Variants in MITF observed in about 807,000 individuals in gnomAD.
MITF encodes the protein melanocyte inducing transcription factor.
A neutral mutation model predicts 60.5 loss-of-function variants in MITF; 17 were observed. The observed-to-expected ratio is 0.28, with a 90% CI of 0.19 to 0.42. The LOEUF (loss-of-function observed/expected upper bound fraction) is 0.42. Ranked by LOEUF, MITF falls within the 10% of genes least tolerant of loss-of-function variation. The pLI, the probability that MITF is intolerant of heterozygous loss-of-function variation, is 1.00. For missense variants in MITF, 622 were observed against 683.5 expected (o/e 0.91, Z 1.00); for synonymous variants, 260 against 248.5 (o/e 1.05, Z -0.43).
intron 1 of MITF, among the ~76,000 whole-genome samples, chr3:69,849,567 C>T (rs2063791147): frequency 6.6e-6 from 1 of 152,202 alleles, no homozygotes; most frequent in South Asian, 2.1e-4. Flanking sequence ...TTGCAGATGA[C>T]GATACTGAAG....
chr3:69,875,554 A>G (rs1305961148), intron 1 of MITF, among the ~76,000 whole-genome samples: 1 of 152,254 alleles, frequency 6.6e-6, no homozygotes, highest in Non-Finnish European at 1.5e-5. Context: ...ATTCAGCTTC[A>G]TGGCCTGGGA....
intron 2 of MITF, among the ~76,000 whole-genome samples, chr3:69,934,556 T>C (rs527953019): frequency 6.6e-6 from 1 of 152,326 alleles, no homozygotes; most frequent in South Asian, 2.1e-4. Flanking sequence ...CAAGCTCTAC[T>C]GTCATTCCCA....
Position 69,907,049 on chromosome 3 carries a change from A to G in MITF, c.354+27666A>G, listed in dbSNP as rs908492618. On this transcript the variant is annotated intron_variant, in intron 2 of 9. Coordinates refer to ENST00000352241, the MANE Select transcript of MITF (RefSeq NM_001354604.2). ...CATAAATCCTTGTTTTGCCTGAAGA[A>G]AGGTTTAACAAGTTACCCAAAGCTA... Among the ~76,000 whole-genome samples, 13 of 152,126 alleles carry G rather than the reference A, an allele frequency of 8.5e-5. 1 individual carries two copies. Among genetic ancestry groups the G allele is most frequent in the Non-Finnish European group, 2.9e-5 (2 of 68,006 alleles).
At chr3:69,800,619 G>A (rs1028677808) in intron 1 of MITF, among the ~76,000 whole-genome samples, 11 of 151,836 alleles carry the variant, frequency 7.2e-5, no homozygotes, top group African/African-American at 2.7e-4. Flanking sequence ...GCCAACACTT[G>A]TTATTTTCAG....
intron 1 of MITF, among the ~76,000 whole-genome samples, chr3:69,771,474 C>T (rs1293209587): frequency 6.6e-6 from 1 of 152,104 alleles, no homozygotes; most frequent in East Asian, 1.9e-4. Flanking sequence ...TTTGAATGGT[C>T]CCAAGTGATT....
At chr3:69,884,671 G>A (rs1426862299) in intron 2 of MITF, among the ~76,000 whole-genome samples, 2 of 152,248 alleles carry the variant, frequency 1.3e-5, no homozygotes, top group Non-Finnish European at 2.9e-5. Flanking sequence ...GTCTTACTTG[G>A]TAAAGTCAAA....
chr3:69,896,137 G>T (rs1196626388), intron 2 of MITF, among the ~76,000 whole-genome samples: 1 of 152,120 alleles, frequency 6.6e-6, no homozygotes, highest in Non-Finnish European at 1.5e-5. Flanking sequence ...CTCCCATGTT[G>T]TTGGCAAATA....
At chr3:69,957,075 A>G (rs1460308704) in intron 8 of MITF, among the ~76,000 whole-genome samples, 1 of 152,216 alleles carries the variant, frequency 6.6e-6, no homozygotes, top group Admixed American at 6.5e-5. Flanking sequence ...TATTAAGTAC[A>G]GGTCAGCTAA....
chr3:69,785,874 C>T (rs1027183318), intron 1 of MITF, among the ~76,000 whole-genome samples: 10 of 152,094 alleles, frequency 6.6e-5, no homozygotes, highest in Admixed American at 6.5e-5. Flanking sequence ...CAGGTAGACA[C>T]ATCCAGGGTG....
intron 1 of MITF, among the ~76,000 whole-genome samples, chr3:69,840,879 C>A (rs535445429): frequency 4.6e-5 from 7 of 151,930 alleles, no homozygotes; most frequent in Non-Finnish European, 1.0e-4. Context: ...CCTCACCCTT[C>A]CGAGTAACTG....
At chr3:69,949,009 T>C in intron 5 of MITF, 42 bp from the exon 6 acceptor site, 3 of 1,385,990 alleles carry the variant, frequency 2.2e-6, no homozygotes, top group Middle Eastern at 1.8e-4. Flanking sequence ...AACATGGGAA[T>C]TGTTCAACAG....
chr3:69,873,401 G>T (rs2064281485), intron 1 of MITF, among the ~76,000 whole-genome samples: 1 of 152,212 alleles, frequency 6.6e-6, no homozygotes, highest in Non-Finnish European at 1.5e-5. Context: ...TATTTGTGCA[G>T]TTGGTGGCAC....
chr3:69,801,184 G>T (rs768536481), intron 1 of MITF, among the ~76,000 whole-genome samples: 2 of 151,860 alleles, frequency 1.3e-5, no homozygotes, highest in Non-Finnish European at 2.9e-5. Flanking sequence ...CGTTAGCCAA[G>T]CTCATTTTGT....
Position 69,859,250 on chromosome 3 carries a change from C to T in MITF, c.105-19884C>T, listed in dbSNP as rs552800069. ...ACAGGTTGAAACCACTGCCCTGGAT[C>T]CTTACCACATCTTATACAAATTGGA... On this transcript the variant is annotated intron_variant, in intron 1 of 9. Coordinates refer to ENST00000352241, the MANE Select transcript of MITF (RefSeq NM_001354604.2). Among the ~76,000 whole-genome samples the T allele has an allele frequency of 5.3e-5, 8 of 152,284 alleles. 1 individual carries two copies. The South Asian group carries it at 1.7e-3, about 32-fold the overall frequency.
At position 69,739,474 on chromosome 3, in the gene MITF, G is replaced by T. The variant is rs1386988692; in HGVS notation, c.-124G>T. On this transcript the variant is annotated 5_prime_UTR_variant, in exon 1 of 10. Transcript: ENST00000352241. ...CTGGGGCGGGCGGCCGCGAGCCGGCGAGCGGGCAGAGCTCGGCACTGCGCC... is the reference window on the plus strand; with the variant it reads ...CTGGGGCGGGCGGCCGCGAGCCGGCTAGCGGGCAGAGCTCGGCACTGCGCC... 4 of 787,476 alleles carry T rather than the reference G, an allele frequency of 5.1e-6. No homozygotes were observed. The highest frequency in any genetic ancestry group is 3.5e-4 in the Middle Eastern group (1 of 2,846). The allele number at this position is 787,476 out of a possible 1,614,324, so 48.8% of individuals were successfully genotyped here.
intron 1 of MITF, among the ~76,000 whole-genome samples, chr3:69,856,959 TG>T (rs987015956): frequency 6.6e-5 from 10 of 152,280 alleles, no homozygotes; most frequent in African/African-American, 2.2e-4. Context: ...GTTTTGTTTT[TG>T]TTTTTTTTAA....
Position 69,879,176 on chromosome 3 carries a change from C to T in MITF, c.147C>T (p.Ser49=). 6.2e-7 allele frequency: 1 copy of T among 1,614,246 alleles called. No individual in the cohort carries two copies. Among genetic ancestry groups the T allele is most frequent in the Non-Finnish European group, 8.5e-7 (1 of 1,180,052 alleles). The change falls in exon 2 of 10, where the codon AGC becomes AGT. Residue 49 remains serine (S), a synonymous_variant. Transcript: ENST00000352241. The stretch of plus-strand genomic sequence containing the variant: ...CTGGGGCCTCCAAGCCTCCGATAAG[C>T]TCCTCCAGTATGACATCACGCATCT... ...EHPGASKPPI[S]SSSMTSRILL... is the part of the protein sequence containing the mutation.
intron 1 of MITF, among the ~76,000 whole-genome samples, chr3:69,744,656 C>T (rs9864251): frequency 0.012 from 1,903 of 152,266 alleles, 33 homozygotes; most frequent in African/African-American, 0.044. Context: ...TACCTAGCAG[C>T]GAACCTGGCA....
At chr3:69,741,482 G>A (rs1366423473) in intron 1 of MITF, among the ~76,000 whole-genome samples, 1 of 152,174 alleles carries the variant, frequency 6.6e-6, no homozygotes, top group African/African-American at 2.4e-5. Flanking sequence ...AATGAGTGCC[G>A]TGAAACTCAT....
Sources: gnomAD v4.1 joint callset for allele counts (sites outside exome capture counted in the v4.1 genomes callset) on GRCh38, gnomAD v4.1.1 for gene constraint, MANE v1.5 for transcripts, NCBI Gene and HGNC (gene_info 2026-07-23, HGNC 2026-07-21) for gene names.